Variants in ITGA4 observed in about 807,000 individuals in gnomAD.
The protein encoded by ITGA4 is integrin subunit alpha 4.
ITGA4 carries 63 observed loss-of-function variants against 133.6 expected under a neutral mutation model. The observed-to-expected ratio is 0.47, with a 90% CI of 0.38 to 0.58. The LOEUF (loss-of-function observed/expected upper bound fraction) is 0.58, where lower values mean the gene tolerates loss of function less well. Ranked by LOEUF, ITGA4 falls within the 20% of genes least tolerant of loss-of-function variation. The pLI is 0.00. For synonymous variants in ITGA4, 483 were observed against 438.0 expected (o/e 1.10, Z -1.28); for missense variants, 1,076 against 1,252.7 (o/e 0.86, Z 2.13).
intron 2 of ITGA4, among the ~76,000 whole-genome samples, chr2:181,473,424 C>T (rs369029404): frequency 5.3e-5 from 8 of 152,192 alleles, no homozygotes; most frequent in Non-Finnish European, 7.3e-5. Context: ...ATTGTCTTCA[C>T]GAAACCAGTC....
In ITGA4 at chr2:181,479,505, T is replaced by C. The variant is rs1685756114; in HGVS notation, c.625-632T>C. On this transcript the variant is annotated intron_variant, in intron 5 of 27. Coordinates refer to ENST00000397033, the MANE Select transcript of ITGA4 (RefSeq NM_000885.6). ...GCTTTCTTCAGTTTAAGTTGACTTT[T>C]TTTAAGTTTAGGATTGTTTAGGAGT... 4 of 152,070 alleles carry C rather than the reference T, an allele frequency of 2.6e-5. No individual in the cohort carries two copies. In the South Asian group the frequency reaches 8.3e-4, roughly 32 times the overall value. The allele number at this position is 152,070 out of a possible 1,614,324, so 9.4% of individuals were successfully genotyped here. A position where few individuals can be genotyped will look rare whatever the true frequency, so the allele number is the denominator to read the frequency against.
chr2:181,529,648 G>A lies in ITGA4; in HGVS notation c.2538G>A (p.Gln846=). Residue 846 remains glutamine (Q), a splice_region_variant and synonymous_variant, in exon 23 of 28, where the codon CAG becomes CAA. Transcript: ENST00000397033. The part of the protein sequence containing the change: ...TDKLFNILDV[Q]TTTGECHFEN... The stretch of plus-strand genomic sequence containing the variant: ...AGCTGTTCAACATTTTGGATGTCCA[G>A]GTAAAAATGTATTTCTTCCATCTAA... 6.7e-7 allele frequency: 1 copy of A among 1,482,624 alleles called. No individual in the cohort carries two copies. The highest frequency in any genetic ancestry group is 9.4e-7 in the Non-Finnish European group (1 of 1,063,166). The allele number at this position is 1,482,624 out of a possible 1,614,324, so 91.8% of individuals were successfully genotyped here. A position where few individuals can be genotyped will look rare whatever the true frequency, so the allele number is the denominator to read the frequency against.
At chr2:181,465,397 A>G (rs1001941165) in intron 2 of ITGA4, among the ~76,000 whole-genome samples, 1 of 151,642 alleles carries the variant, frequency 6.6e-6, no homozygotes, top group African/African-American at 2.4e-5. Context: ...ACCTCCTTTA[A>G]TTCTTTCATT....
Position 181,509,712 on chromosome 2 carries a change from G to A in ITGA4, c.1750G>A (p.Gly584Ser). ...TCAGATTGAAGCTGCTTACCACCTT[G>A]GTCCTCATGTCATCAGTAAACGAAG... ...PIQIEAAYHL[G>S]PHVISKRSTE... is the part of the protein sequence containing the mutation. The change falls in exon 16 of 28, where the codon GGT becomes AGT. Residue 584 changes from glycine to serine, a missense_variant. Transcript: ENST00000397033. The A allele has an allele frequency of 3.1e-6, 5 of 1,610,756 alleles. No homozygotes were observed. The South Asian group carries it at 4.4e-5, about 14-fold the overall frequency.
rs1323517435 is a variant in ITGA4, at chr2:181,538,086, T to C, written c.*2559T>C. The stretch of plus-strand genomic sequence containing the variant: ...ACGGAAAAATTGTCTTCCATGAAAC[T>C]GGTCCCAAAAAGGGTGGGGACCACA... On this transcript the variant is annotated 3_prime_UTR_variant, in exon 28 of 28. Transcript: ENST00000397033. 8.8e-6 allele frequency: 7 copies of C among 796,160 alleles called. No homozygotes were observed. Among genetic ancestry groups the C allele is most frequent in the Admixed American group, 5.7e-5 (3 of 52,766 alleles). 49.3% of individuals were successfully genotyped at this position (796,160 alleles called of 1,614,324 possible). A position where few individuals can be genotyped will look rare whatever the true frequency, so the allele number is the denominator to read the frequency against.
intron 15 of ITGA4, among the ~76,000 whole-genome samples, chr2:181,506,429 A>G (rs1305739552): frequency 6.6e-6 from 1 of 152,084 alleles, no homozygotes; most frequent in Admixed American, 6.6e-5. Flanking sequence ...TAACTAAGCC[A>G]TAGACAAATT....
chr2:181,474,704 T>G (rs1244110847), intron 2 of ITGA4, among the ~76,000 whole-genome samples: 2 of 152,246 alleles, frequency 1.3e-5, no homozygotes, highest in Non-Finnish European at 2.9e-5. Context: ...CTCCTAGTCC[T>G]GTTAGCTATC....
intron 10 of ITGA4, among the ~76,000 whole-genome samples, chr2:181,489,980 C>G (rs1485868027): frequency 6.6e-6 from 1 of 152,148 alleles, no homozygotes; most frequent in Non-Finnish European, 1.5e-5. Context: ...CTTTTAAGGG[C>G]TCACAACTCT....
At chr2:181,458,548 T>A in intron 2 of ITGA4, 1 of 539,078 alleles carries the variant, frequency 1.9e-6, no homozygotes. Context: ...CTCTGACAAC[T>A]ATGCTAGAGA....
At chr2:181,500,399 C>T (rs187324337) in intron 15 of ITGA4, among the ~76,000 whole-genome samples, 96 of 152,266 alleles carry the variant, frequency 6.3e-4, no homozygotes, top group African/African-American at 2.3e-3. Flanking sequence ...TTTCCCACCT[C>T]CACCAGGGTA....
chr2:181,464,727 T>TA (rs1223561336), intron 2 of ITGA4, among the ~76,000 whole-genome samples: 2 of 152,116 alleles, frequency 1.3e-5, no homozygotes, highest in African/African-American at 2.4e-5. Context: ...CCAAAGTGTC[T>TA]AGGTCCGCCT....
At chr2:181,479,443 A>G (rs542956056) in intron 5 of ITGA4, 1 of 151,900 alleles carries the variant, frequency 6.6e-6, no homozygotes, top group South Asian at 2.1e-4. Context: ...GTGTCTGCAC[A>G]TATTAACAGT....
intron 2 of ITGA4, among the ~76,000 whole-genome samples, chr2:181,469,361 G>T (rs1333718576): frequency 2.0e-5 from 3 of 152,122 alleles, no homozygotes; most frequent in Admixed American, 2.0e-4. Context: ...TTTGAATGCT[G>T]CCCAACACCA....
chr2:181,525,199 T>A lies in ITGA4; in HGVS notation c.2250-3T>A, dbSNP rs1322436502. 4.5e-6 allele frequency: 7 copies of A among 1,566,970 alleles called. No homozygotes were observed. In the East Asian group the frequency reaches 1.6e-4, roughly 35 times the overall value. On this transcript the variant is annotated splice_polypyrimidine_tract_variant and splice_region_variant and intron_variant, in intron 20 of 27. Coordinates refer to ENST00000397033, the MANE Select transcript of ITGA4 (RefSeq NM_000885.6). Reference sequence around the variant, plus strand: ...TCTAACAGGGTGTTTTCTGTTTGTATAGTGAAAATGAAGAGGAAATGGACA... The same window carrying A: ...TCTAACAGGGTGTTTTCTGTTTGTAAAGTGAAAATGAAGAGGAAATGGACA...
intron 27 of ITGA4, 92 bp downstream of exon 27, chr2:181,535,027 C>A (rs1687029795): frequency 2.2e-6 from 3 of 1,364,720 alleles, no homozygotes; most frequent in Non-Finnish European, 2.9e-6. Context: ...TTAAATATTT[C>A]ACTATTTGAA....
chr2:181,527,433 T>G, intron 22 of ITGA4, 46 bp downstream of exon 22: 1 of 1,250,898 alleles, frequency 8.0e-7, no homozygotes, highest in African/African-American at 1.5e-5. Flanking sequence ...CCTAAAAGGA[T>G]GTCACTGATG....
chr2:181,509,549 T>G, intron 15 of ITGA4, 109 bp from the exon 16 acceptor site: 1 of 644,238 alleles, frequency 1.6e-6, no homozygotes, highest in Non-Finnish European at 2.4e-6. Context: ...GATAAGTATT[T>G]GCTTTGTCTT....
At chr2:181,520,362 G>A (rs188658546) in intron 17 of ITGA4, among the ~76,000 whole-genome samples, 1 of 152,138 alleles carries the variant, frequency 6.6e-6, no homozygotes, top group Non-Finnish European at 1.5e-5. Flanking sequence ...CTGAAACAAT[G>A]AATTGTGCAG....
rs1687308838 is a variant in ITGA4 at position 181,538,397 on chromosome 2, T to TTGA, written c.*2872_*2874dup. ...AATCTAGAAAACTGAGAAGGTCTGATTGATAAATCATCAACAACAATAATT... is the reference window on the plus strand; with the variant it reads ...AATCTAGAAAACTGAGAAGGTCTGATTGATGATAAATCATCAACAACAATAATT... On this transcript the variant is annotated 3_prime_UTR_variant, in exon 28 of 28. Coordinates refer to ENST00000397033, the MANE Select transcript of ITGA4 (RefSeq NM_000885.6). 6.6e-6 allele frequency among the ~76,000 whole-genome samples: 1 copy of TTGA among 152,200 alleles called. No homozygotes were observed.
Sources: gnomAD v4.1 joint callset for allele counts (sites outside exome capture counted in the v4.1 genomes callset) on GRCh38, gnomAD v4.1.1 for gene constraint, MANE v1.5 for transcripts, NCBI Gene and HGNC (gene_info 2026-07-23, HGNC 2026-07-21) for gene names.